TRPM6: variants seen among roughly 807,000 people sequenced by gnomAD.
TRPM6 encodes transient receptor potential cation channel subfamily M member 6.
Under a neutral mutation model 247.6 loss-of-function variants are expected in TRPM6, and 111 were observed. The observed-to-expected ratio is 0.45, with a 90% confidence interval of 0.38 to 0.52. The LOEUF (loss-of-function observed/expected upper bound fraction) is 0.52. TRPM6 is among the 20% of genes least tolerant of loss of function. TRPM6 has a pLI of 0.00. For synonymous variants in TRPM6, 892 were observed against 853.8 expected (o/e 1.04, Z -0.78); for missense variants, 2,126 against 2,421.5 (o/e 0.88, Z 2.56).
rs774351839 is a variant in TRPM6 at position 74,802,049 on chromosome 9, T to G, written c.1858A>C (p.Arg620=). Residue 620 remains arginine (R), a synonymous_variant, in exon 16 of 39, where the codon AGG becomes CGG. Coordinates refer to ENST00000360774, the MANE Select transcript of TRPM6 (RefSeq NM_017662.5). The stretch of plus-strand genomic sequence containing the variant: ...CAGAAGAACATAGCCATCTTCTGCC[T>G]TTTCATCAGCACAGCCCAAACCAGC... ...DLLVWAVLMK[R]QKMAMFFWQH... 1.9e-6 allele frequency: 3 copies of G among 1,614,142 alleles called. No homozygotes were observed. In the Admixed American group the frequency reaches 5.0e-5, roughly 27 times the overall value.
intron 3 of TRPM6, among the ~76,000 whole-genome samples, chr9:74,853,346 G>A (rs1233703910): frequency 2.0e-5 from 3 of 152,340 alleles, no homozygotes; most frequent in Middle Eastern, 3.4e-3. Context: ...CTGCCACCCC[G>A]TCTGGGAGGT....
intron 18 of TRPM6, among the ~76,000 whole-genome samples, chr9:74,793,830 A>C (rs1827991105): frequency 6.9e-6 from 1 of 145,662 alleles, no homozygotes; most frequent in African/African-American, 2.8e-5. Context: ...TTTTCTGGGG[A>C]AAGAATCAGA....
Position 74,786,091 on chromosome 9 carries a change from T to G in TRPM6, c.2702A>C (p.Lys901Thr). 1 of 1,614,166 alleles carries G rather than the reference T, an allele frequency of 6.2e-7. No homozygotes were observed. Among genetic ancestry groups the G allele is most frequent in the Non-Finnish European group, 8.5e-7 (1 of 1,179,998 alleles). Reference protein sequence around the residue: ...CISEPGKFTQKVKVWISEYWN... With the variant: ...CISEPGKFTQTVKVWISEYWN... ...GTACTCACTAATCCATACCTTCACC[T>G]TTTGGGTAAACTTCCCAGGTTCTGA... Residue 901 changes from lysine to threonine, a missense_variant, in exon 21 of 39, where the codon AAG becomes ACG. Coordinates refer to ENST00000360774, the MANE Select transcript of TRPM6 (RefSeq NM_017662.5).
Position 74,744,094 on chromosome 9 carries a change from C to A in TRPM6, c.5134+1G>T. ...CATGTCTATGTGCATATGCATCCTA[C>A]CTGAATAATGATGGTGAGGCTCTTG... On this transcript the variant is annotated splice_donor_variant, in intron 32 of 38. Coordinates refer to ENST00000360774, the MANE Select transcript of TRPM6 (RefSeq NM_017662.5). LOFTEE classifies it high-confidence loss of function. 6.2e-7 allele frequency: 1 copy of A among 1,613,926 alleles called. No individual in the cohort carries two copies. Among genetic ancestry groups the A allele is most frequent in the Non-Finnish European group, 8.5e-7 (1 of 1,179,886 alleles).
Position 74,834,074 on chromosome 9 carries a change from G to C in TRPM6, c.593C>G (p.Ser198Cys). 1 of 1,613,982 alleles carries C rather than the reference G, an allele frequency of 6.2e-7. No homozygotes were observed. The highest frequency in any genetic ancestry group is 8.5e-7 in the Non-Finnish European group (1 of 1,179,950). ...TCCAACTGTCCAGATTTTTCTCAAG[G>C]AATGAGAGGAATGGGATTTCAAGGC... Reference protein sequence around the residue: ...GDALKSHSSHSLRKIWTVGIP... With the variant: ...GDALKSHSSHCLRKIWTVGIP... The change falls in exon 6 of 39, where the codon TCC (serine) becomes TGC (cysteine). Residue 198 changes from serine to cysteine, a missense_variant. By Grantham distance (112) the Ser-to-Cys change is moderately radical. Transcript: ENST00000360774.
chr9:74,744,502 C>G (rs1056060341), intron 31 of TRPM6, among the ~76,000 whole-genome samples: 3 of 152,112 alleles, frequency 2.0e-5, no homozygotes, highest in African/African-American at 7.2e-5. Context: ...AGCTCCCTAC[C>G]AAGATGCAGT....
chr9:74,752,220 C>A, intron 29 of TRPM6, 57 bp downstream of exon 29: 1 of 985,120 alleles, frequency 1.0e-6, no homozygotes, highest in South Asian at 1.4e-5. Flanking sequence ...TGGGCGTAGT[C>A]AAGAGTAGCA....
intron 2 of TRPM6, among the ~76,000 whole-genome samples, chr9:74,857,163 G>A (rs772345941): frequency 2.7e-4 from 41 of 152,148 alleles, no homozygotes; most frequent in Admixed American, 5.2e-4. Context: ...GAAAAACAAG[G>A]TTATCTTGGC....
intron 29 of TRPM6, among the ~76,000 whole-genome samples, chr9:74,751,546 T>A (rs182930664): frequency 3.4e-4 from 52 of 152,322 alleles, no homozygotes; most frequent in African/African-American, 1.2e-3. Context: ...AGTTCTCAAG[T>A]TCAAACAGGT....
chr9:74,818,118 C>G (rs1300643280), intron 9 of TRPM6, among the ~76,000 whole-genome samples: 2 of 152,108 alleles, frequency 1.3e-5, no homozygotes, highest in African/African-American at 4.8e-5. Flanking sequence ...TCTTGACCCT[C>G]TTGGTCATTA....
intron 30 of TRPM6, among the ~76,000 whole-genome samples, chr9:74,749,051 T>C (rs934758854): frequency 1.3e-5 from 2 of 152,168 alleles, no homozygotes; most frequent in African/African-American, 4.8e-5. Flanking sequence ...TAGCTTACAG[T>C]AGTCAGTACA....
chr9:74,790,006 A>AAGTGTGTG (rs1827847457), intron 19 of TRPM6, among the ~76,000 whole-genome samples: 1 of 132,816 alleles, frequency 7.5e-6, no homozygotes, highest in Non-Finnish European at 1.6e-5. Context: ...TGAGAGAAAA[A>AAGTGTGTG]TGTGTGTGTG....
chr9:74,816,423 A>T (rs1828928187), intron 11 of TRPM6, among the ~76,000 whole-genome samples: 1 of 144,038 alleles, frequency 6.9e-6, no homozygotes, highest in South Asian at 2.2e-4. Context: ...TCTGTCTTTC[A>T]CTCAACTTCC....
intron 23 of TRPM6, chr9:74,776,297 A>T: frequency 2.0e-6 from 1 of 499,938 alleles, no homozygotes; most frequent in Non-Finnish European, 3.7e-6. Flanking sequence ...CAGAAGGCAG[A>T]CATTACAATC....
In TRPM6 at chr9:74,840,168, C is replaced by G. The variant is rs1297536525; in HGVS notation, c.400G>C (p.Glu134Gln). ...ACTGAGATCACAAGCTTGGGCAGTT[C>G]CATTTTCCACTCTTTCAACATTAAA... ...LHLMLKEWKM[E>Q]LPKLVISVHG... The change falls in exon 5 of 39, where the codon GAA becomes CAA. Residue 134 changes from glutamate to glutamine, a missense_variant. Glu to Gln is a conservative substitution (Grantham distance 29, BLOSUM62 2). Around this residue, in one of 3 missense-constraint regions of TRPM6, gnomAD observed 1,082 missense variants for 1,307.9 expected, o/e 0.83. Coordinates refer to ENST00000360774, the MANE Select transcript of TRPM6 (RefSeq NM_017662.5). 6.2e-7 allele frequency: 1 copy of G among 1,614,036 alleles called. No homozygotes were observed. Among genetic ancestry groups the G allele is most frequent in the Non-Finnish European group, 8.5e-7 (1 of 1,179,964 alleles).
intron 35 of TRPM6, 60 bp from the exon 36 acceptor site, chr9:74,738,672 A>T: frequency 6.9e-7 from 1 of 1,439,876 alleles, no homozygotes; most frequent in Non-Finnish European, 9.8e-7. Context: ...GACTTACCTT[A>T]CTGAGCAGTC....
chr9:74,884,552 A>G (rs1320116258), intron 1 of TRPM6, among the ~76,000 whole-genome samples: 1 of 143,464 alleles, frequency 7.0e-6, no homozygotes, highest in Non-Finnish European at 1.5e-5. Context: ...TACGTATATA[A>G]AAGCACATCT....
At position 74,792,206 on chromosome 9, in the gene TRPM6, C is replaced by T. The variant is rs182964754; in HGVS notation, c.2538+418G>A. Among the ~76,000 whole-genome samples, 329 of 152,320 alleles carry T rather than the reference C, an allele frequency of 2.2e-3. 1 individual carries two copies. Among genetic ancestry groups the T allele is most frequent in the African/African-American group, 7.6e-3 (315 of 41,568 alleles). The stretch of plus-strand genomic sequence containing the variant: ...CTTTTGTGGAATGTGCAACAACATA[C>T]TTGAGGGACTCTGATAGGAGTGCCG... On this transcript the variant is annotated intron_variant, in intron 19 of 38. Transcript: ENST00000360774.
At chr9:74,776,861 T>G (rs542315600) in intron 23 of TRPM6, among the ~76,000 whole-genome samples, 1 of 152,352 alleles carries the variant, frequency 6.6e-6, no homozygotes, top group South Asian at 2.1e-4. Context: ...TTAAAACAAT[T>G]CTTCTTCTTG....
Sources: allele counts gnomAD v4.1 joint callset (sites outside exome capture counted in the v4.1 genomes callset), GRCh38; gene constraint gnomAD v4.1.1; regional missense constraint gnomAD v4.1.1; transcripts MANE v1.5; gene names NCBI Gene and HGNC (gene_info 2026-07-23, HGNC 2026-07-21).